TOX: variants seen among roughly 807,000 people sequenced by gnomAD.
TOX encodes thymocyte selection associated high mobility group box, also known as thymocyte selection-associated high mobility group box protein TOX.
Under a neutral mutation model 53.7 loss-of-function variants are expected in TOX, and 11 were observed. The ratio of observed to expected loss-of-function variants is 0.20; its 90% CI spans 0.13 to 0.34. The LOEUF (loss-of-function observed/expected upper bound fraction) is 0.34, where lower values mean the gene tolerates loss of function less well. Among genes scored for constraint, TOX ranks in the 10% least tolerant of loss-of-function variants. TOX has a pLI of 1.00. For missense variants in TOX, 570 were observed against 664.6 expected, an observed-to-expected ratio of 0.86 and a Z score of 1.56; for synonymous variants, 225 against 245.3, an observed-to-expected ratio of 0.92 and a Z score of 0.77.
At chr8:58,975,072 T>C (rs1033053863) in intron 1 of TOX, among the ~76,000 whole-genome samples, 1 of 151,978 alleles carries the variant, frequency 6.6e-6, no homozygotes, top group African/African-American at 2.4e-5. Context: ...TGTTCAGATA[T>C]AAATATATGT....
intron 1 of TOX, among the ~76,000 whole-genome samples, chr8:59,011,906 A>G (rs769169530): frequency 1.1e-4 from 16 of 152,330 alleles, no homozygotes; most frequent in Admixed American, 7.8e-4. Flanking sequence ...TCATGGGGAC[A>G]GAAATGCTAC....
intron 1 of TOX, among the ~76,000 whole-genome samples, chr8:59,013,652 G>A (rs903837228): frequency 1.3e-5 from 2 of 152,072 alleles, no homozygotes; most frequent in African/African-American, 4.8e-5. Context: ...CTCGTGATCC[G>A]CCCGCTCCGG....
intron 1 of TOX, among the ~76,000 whole-genome samples, chr8:59,060,176 C>CA (rs1563433309): frequency 6.6e-6 from 1 of 152,154 alleles, no homozygotes; most frequent in Non-Finnish European, 1.5e-5. Context: ...TAATTGATAA[C>CA]AGAGTGTTTA....
rs10551461 is a variant in TOX, at chr8:59,047,203, GTTTTTTTTTTTTT to G, written c.102+71670_102+71682del. Among the ~76,000 whole-genome samples, 19 of 44,680 alleles carry G rather than the reference GTTTTTTTTTTTTT, an allele frequency of 4.3e-4. No individual in the cohort carries two copies. In the South Asian group the frequency reaches 7.3e-3, roughly 17 times the overall value. The allele number at this position is 44,680 out of a possible 152,430, so 29.3% of individuals were successfully genotyped here. On this transcript the variant is annotated intron_variant, in intron 1 of 8. Coordinates refer to ENST00000361421, the MANE Select transcript of TOX (RefSeq NM_014729.3). ...TTATTGAACAATTCCACCAAGAATT[GTTTTTTTTTTTTT>G]TTTTTTTTTTTTTTTTTTGAGACGG...
intron 1 of TOX, among the ~76,000 whole-genome samples, chr8:58,988,740 C>A (rs959113823): frequency 1.3e-5 from 2 of 152,114 alleles, no homozygotes; most frequent in Non-Finnish European, 2.9e-5. Context: ...TCCAATATGC[C>A]AATGTGCACA....
chr8:58,884,536 T>C (rs970104855), intron 3 of TOX, among the ~76,000 whole-genome samples: 41 of 152,168 alleles, frequency 2.7e-4, no homozygotes, highest in African/African-American at 9.4e-4. Context: ...CAATAGACTG[T>C]CAAAGAGCTT....
chr8:58,962,890 G>A (rs898131166), intron 1 of TOX, among the ~76,000 whole-genome samples: 1 of 152,176 alleles, frequency 6.6e-6, no homozygotes, highest in Non-Finnish European at 1.5e-5. Flanking sequence ...GCCATGGGCT[G>A]CCCAGGTATT....
chr8:59,033,423 T>A (rs541660661), intron 1 of TOX, among the ~76,000 whole-genome samples: 1 of 152,196 alleles, frequency 6.6e-6, no homozygotes, highest in Non-Finnish European at 1.5e-5. Flanking sequence ...CAGTTGGGGA[T>A]GATGAAAACT....
At chr8:59,072,766 T>C (rs1028411201) in intron 1 of TOX, among the ~76,000 whole-genome samples, 1 of 152,282 alleles carries the variant, frequency 6.6e-6, no homozygotes, top group East Asian at 1.9e-4. Context: ...ATTTCAACTA[T>C]CATAAGTTTA....
chr8:58,939,191 A>C, intron 3 of TOX, 111 bp downstream of exon 3: 9 of 1,315,006 alleles, frequency 6.8e-6, no homozygotes, highest in South Asian at 1.4e-5. Flanking sequence ...CTCCACAGCT[A>C]GAAACAGTTT....
intron 3 of TOX, among the ~76,000 whole-genome samples, chr8:58,870,782 G>T (rs1036101281): frequency 3.9e-5 from 6 of 152,080 alleles, no homozygotes; most frequent in African/African-American, 1.4e-4. Flanking sequence ...CAATGGAAAA[G>T]ACAGTCTTTT....
chr8:58,882,988 A>G (rs1385078508), intron 3 of TOX, among the ~76,000 whole-genome samples: 1 of 152,214 alleles, frequency 6.6e-6, no homozygotes, highest in African/African-American at 2.4e-5. Flanking sequence ...ATTTCTGAAT[A>G]AAGGCAAACC....
intron 1 of TOX, among the ~76,000 whole-genome samples, chr8:58,967,469 C>T (rs1260306825): frequency 1.3e-5 from 2 of 152,160 alleles, no homozygotes; most frequent in African/African-American, 4.8e-5. Flanking sequence ...CTTCCAGGAA[C>T]AGCTGACACT....
intron 1 of TOX, among the ~76,000 whole-genome samples, chr8:59,072,804 T>C (rs1446796455): frequency 1.3e-5 from 2 of 152,186 alleles, no homozygotes; most frequent in Non-Finnish European, 1.5e-5. Context: ...AACAAAAACC[T>C]ATTATTGACA....
intron 1 of TOX, among the ~76,000 whole-genome samples, chr8:59,003,383 C>T (rs1190567539): frequency 2.6e-5 from 4 of 152,186 alleles, no homozygotes; most frequent in African/African-American, 9.7e-5. Flanking sequence ...TTACACGCTG[C>T]ATCCTCCATT....
At chr8:59,101,080 T>TAAAGG (rs892161196) in intron 1 of TOX, among the ~76,000 whole-genome samples, 1 of 152,072 alleles carries the variant, frequency 6.6e-6, no homozygotes, top group Admixed American at 6.5e-5. Context: ...TCATCTAGAC[T>TAAAGG]AAAGGAAAGG....
intron 3 of TOX, among the ~76,000 whole-genome samples, chr8:58,898,267 G>A (rs1468244613): frequency 6.6e-6 from 1 of 152,028 alleles, no homozygotes; most frequent in Non-Finnish European, 1.5e-5. Flanking sequence ...AGCTCTCTCT[G>A]GAATTTCAAT....
intron 1 of TOX, among the ~76,000 whole-genome samples, chr8:58,963,783 T>C (rs188068449): frequency 6.6e-6 from 1 of 152,332 alleles, no homozygotes; most frequent in African/African-American, 2.4e-5. Context: ...GGGGGATTGA[T>C]TCCACTAGAC....
At chr8:58,932,496 A>G (rs1036519840) in intron 3 of TOX, among the ~76,000 whole-genome samples, 5 of 152,202 alleles carry the variant, frequency 3.3e-5, no homozygotes, top group Non-Finnish European at 5.9e-5. Context: ...GGCTGACATC[A>G]TAAGCTCCTC....
Sources: gnomAD v4.1 joint callset for allele counts (sites outside exome capture counted in the v4.1 genomes callset) on GRCh38, gnomAD v4.1.1 for gene constraint, MANE v1.5 for transcripts, NCBI Gene and HGNC (gene_info 2026-07-23, HGNC 2026-07-21) for gene names.